The following AGPAT4 variants were observed in gnomAD, a reference collection of about 807,000 sequenced individuals.
The protein encoded by AGPAT4 is 1-acyl-sn-glycerol-3-phosphate acyltransferase delta.
In AGPAT4, 15 loss-of-function variants were observed where a neutral mutation model predicts 48.0. That is an observed-to-expected ratio of 0.31 (90% CI 0.21 to 0.48). AGPAT4 has a LOEUF of 0.48. Among genes scored for constraint, AGPAT4 ranks in the 20% least tolerant of loss-of-function variants. The probability of loss-of-function intolerance (pLI) is 0.99; values close to 1 mark genes in which losing one functional copy is unlikely to be tolerated. For missense variants in AGPAT4, 314 were observed against 482.5 expected, an observed-to-expected ratio of 0.65 and a Z score of 3.27; for synonymous variants, 178 against 198.7, an observed-to-expected ratio of 0.90 and a Z score of 0.88.
rs535242370 is a variant in AGPAT4, at chr6:161,157,052, CCT to C, written c.349-2744_349-2743del. Among the ~76,000 whole-genome samples the C allele has an allele frequency of 1.0e-3, 158 of 152,306 alleles. 1 individual carries two copies. Among genetic ancestry groups the C allele is most frequent in the Middle Eastern group, 6.8e-3 (2 of 294 alleles). On this transcript the variant is annotated intron_variant, in intron 3 of 8. Coordinates refer to ENST00000320285, the MANE Select transcript of AGPAT4 (RefSeq NM_020133.3). ...TCTCAGCTCTGAAGGCTGTGAGACC[CCT>C]GATTTCCCACTTCACATCTCTATAT...
Position 161,217,675 on chromosome 6 carries a change from G to A in AGPAT4, c.178+14361C>T, listed in dbSNP as rs1781686809. Among the ~76,000 whole-genome samples the A allele has an allele frequency of 6.6e-6, 1 of 152,150 alleles. No homozygotes were observed. The highest frequency in any genetic ancestry group is 1.5e-5 in the Non-Finnish European group (1 of 68,028). ...ATTGTACATGAACAATCTCATTTAT[G>A]AACATCATAATTACCCTGGTGAAAG... On this transcript the variant is annotated intron_variant, in intron 2 of 8. Coordinates refer to ENST00000320285, the MANE Select transcript of AGPAT4 (RefSeq NM_020133.3). The surrounding 1 kb of genome is among the most constrained non-coding windows in gnomAD (Gnocchi z 4.9).
At chr6:161,209,682 T>C (rs746951598) in intron 2 of AGPAT4, among the ~76,000 whole-genome samples, 1 of 152,166 alleles carries the variant, frequency 6.6e-6, no homozygotes, top group African/African-American at 2.4e-5. Flanking sequence ...CCCATGGAGA[T>C]ATAAGCCCCA....
In AGPAT4 at chr6:161,200,349, A is replaced by G. The variant is rs1235948076; in HGVS notation, c.178+31687T>C. ...GGCCTGTGTGCCAGGTACTATAGGAAGGGATGCACAGTAAATGATGGAGTG... is the reference window on the plus strand; with the variant it reads ...GGCCTGTGTGCCAGGTACTATAGGAGGGGATGCACAGTAAATGATGGAGTG... On this transcript the variant is annotated intron_variant, in intron 2 of 8. Coordinates refer to ENST00000320285, the MANE Select transcript of AGPAT4 (RefSeq NM_020133.3). The surrounding 1 kb of genome is among the most constrained non-coding windows in gnomAD (Gnocchi z 5.5). 6.6e-6 allele frequency among the ~76,000 whole-genome samples: 1 copy of G among 152,234 alleles called. No homozygotes were observed. The highest frequency in any genetic ancestry group is 1.5e-5 in the Non-Finnish European group (1 of 68,038).
In AGPAT4 at chr6:161,261,592, T is replaced by A. The variant is rs1464679631; in HGVS notation, c.-90+12346A>T. Among the ~76,000 whole-genome samples the A allele has an allele frequency of 6.6e-6, 1 of 152,210 alleles. No homozygotes were observed. The highest frequency in any genetic ancestry group is 1.5e-5 in the Non-Finnish European group (1 of 68,038). On this transcript the variant is annotated intron_variant, in intron 1 of 8. Coordinates refer to ENST00000320285, the MANE Select transcript of AGPAT4 (RefSeq NM_020133.3). The surrounding 1 kb of genome is among the most constrained non-coding windows in gnomAD (Gnocchi z 5.3). The stretch of plus-strand genomic sequence containing the variant: ...TACCCTGAGACCGGGTAAGGCATCA[T>A]CATTAACAAAGCCAACGGAGGGATA...
Position 161,259,029 on chromosome 6 carries a change from C to T in AGPAT4, c.-90+14909G>A, listed in dbSNP as rs1046363719. On this transcript the variant is annotated intron_variant, in intron 1 of 8. Transcript: ENST00000320285. This position sits in a 1 kb window ranked among gnomAD's most constrained non-coding sequence, Gnocchi z 4.9. ...GCAAGGCTGGTATCAAACTCCTGAC[C>T]TCAAGTGATCCTCCCGCCTCAGCCT... Among the ~76,000 whole-genome samples, 1 of 151,794 alleles carries T rather than the reference C, an allele frequency of 6.6e-6. No individual in the cohort carries two copies. Among genetic ancestry groups the T allele is most frequent in the Non-Finnish European group, 1.5e-5 (1 of 67,978 alleles).
rs978188074 is a variant in AGPAT4, at chr6:161,195,219, C to G, written c.179-28802G>C. 2.0e-5 allele frequency among the ~76,000 whole-genome samples: 3 copies of G among 152,048 alleles called. No homozygotes were observed. The highest frequency in any genetic ancestry group is 2.9e-5 in the Non-Finnish European group (2 of 68,012). On this transcript the variant is annotated intron_variant, in intron 2 of 8. Coordinates refer to ENST00000320285, the MANE Select transcript of AGPAT4 (RefSeq NM_020133.3). The surrounding 1 kb of genome is among the most constrained non-coding windows in gnomAD (Gnocchi z 5.0). ...ATTTGAAGCAAATTTCTCATTTAAC[C>G]GAAAACCAAGATGAAGGATAATTCA...
rs895438193 is a variant in AGPAT4, at chr6:161,254,054, T to C, written c.-90+19884A>G. 2.0e-5 allele frequency among the ~76,000 whole-genome samples: 3 copies of C among 152,228 alleles called. No homozygotes were observed. Among genetic ancestry groups the C allele is most frequent in the African/African-American group, 7.2e-5 (3 of 41,472 alleles). The stretch of plus-strand genomic sequence containing the variant: ...GACAATTCACACTTCAGGTGGATGT[T>C]TGGGGTTAGTGAGATAATAGGAAAT... On this transcript the variant is annotated intron_variant, in intron 1 of 8. Transcript: ENST00000320285. The surrounding 1 kb of genome is among the most constrained non-coding windows in gnomAD (Gnocchi z 5.9).
intron 2 of AGPAT4, among the ~76,000 whole-genome samples, chr6:161,182,570 C>G (rs1295113523): frequency 1.3e-5 from 2 of 152,228 alleles, no homozygotes; most frequent in African/African-American, 4.8e-5. Flanking sequence ...GTGCCCATTT[C>G]CATGCTGCAT....
chr6:161,167,402 A>G (rs1354060992), intron 2 of AGPAT4, among the ~76,000 whole-genome samples: 2 of 151,902 alleles, frequency 1.3e-5, no homozygotes, highest in African/African-American at 4.8e-5. Flanking sequence ...ATTTTTTTGT[A>G]TTTTTTGTAA....
In AGPAT4 at chr6:161,144,924, T is replaced by A. The variant is rs1779370905; in HGVS notation, c.843+1600A>T. Among the ~76,000 whole-genome samples, 1 of 151,652 alleles carries A rather than the reference T, an allele frequency of 6.6e-6. No individual in the cohort carries two copies. Among genetic ancestry groups the A allele is most frequent in the African/African-American group, 2.4e-5 (1 of 41,088 alleles). On this transcript the variant is annotated intron_variant, in intron 7 of 8. Coordinates refer to ENST00000320285, the MANE Select transcript of AGPAT4 (RefSeq NM_020133.3). The surrounding 1 kb of genome is among the most constrained non-coding windows in gnomAD (Gnocchi z 6.6). ...TGAACCCAGGAGGCAGAGCTTGCAG[T>A]GAGCCGAGATCGCGCCACTGCACTC... is the stretch of plus-strand genomic sequence containing the variant.
intron 2 of AGPAT4, among the ~76,000 whole-genome samples, chr6:161,179,751 A>T (rs1562326390): frequency 6.6e-6 from 1 of 152,186 alleles, no homozygotes; most frequent in Non-Finnish European, 1.5e-5. Context: ...TATGAATAGT[A>T]CATACATTTT....
rs1487520238 is a variant in AGPAT4 at position 161,262,468 on chromosome 6, C to T, written c.-90+11470G>A. On this transcript the variant is annotated intron_variant, in intron 1 of 8. Transcript: ENST00000320285. This position sits in a 1 kb window ranked among gnomAD's most constrained non-coding sequence, Gnocchi z 4.9. Reference sequence around the variant, plus strand: ...TTCCACAGCTGGCTCTATACTAGCTCATTCCTTTTTTTTTTCCCCCTCCTC... The same window carrying T: ...TTCCACAGCTGGCTCTATACTAGCTTATTCCTTTTTTTTTTCCCCCTCCTC... 6.6e-6 allele frequency among the ~76,000 whole-genome samples: 1 copy of T among 152,156 alleles called. No individual in the cohort carries two copies. Among genetic ancestry groups the T allele is most frequent in the Non-Finnish European group, 1.5e-5 (1 of 68,016 alleles).
intron 2 of AGPAT4, among the ~76,000 whole-genome samples, chr6:161,179,362 G>A (rs2114991172): frequency 6.6e-6 from 1 of 152,234 alleles, no homozygotes; most frequent in Middle Eastern, 3.4e-3. Flanking sequence ...CAGTGCGGGG[G>A]GCTAGAGAAG....
chr6:161,182,614 G>A (rs905633803), intron 2 of AGPAT4, among the ~76,000 whole-genome samples: 1 of 152,244 alleles, frequency 6.6e-6, no homozygotes, highest in Admixed American at 6.5e-5. Context: ...AACCAGCTCA[G>A]CCTGGAGTGC....
chr6:161,170,471 GCGCACACACACACACACACACA>G (rs1184040229), intron 2 of AGPAT4, among the ~76,000 whole-genome samples: 1 of 113,728 alleles, frequency 8.8e-6, no homozygotes, highest in Non-Finnish European at 1.9e-5. Flanking sequence ...ACGTGCGCGC[GCGCACACACACACACACACACA>G]CACACACACA....
chr6:161,232,782 C>T lies in AGPAT4; in HGVS notation c.-89-480G>A, dbSNP rs964771146. On this transcript the variant is annotated intron_variant, in intron 1 of 8. Coordinates refer to ENST00000320285, the MANE Select transcript of AGPAT4 (RefSeq NM_020133.3). This position sits in a 1 kb window ranked among gnomAD's most constrained non-coding sequence, Gnocchi z 6.8. ...TTCTCCTCCTCCAGATCCCTGCTCA[C>T]CCCTCGCTTCCAGCAGGACTGCCCT... is the stretch of plus-strand genomic sequence containing the variant. 2.0e-5 allele frequency among the ~76,000 whole-genome samples: 3 copies of T among 152,136 alleles called. No homozygotes were observed. The highest frequency in any genetic ancestry group is 4.4e-5 in the Non-Finnish European group (3 of 68,028).
In AGPAT4 at chr6:161,134,171, T is replaced by C. The variant is rs1399290153; in HGVS notation, c.*2369A>G. 3.9e-5 allele frequency: 6 copies of C among 152,142 alleles called. No homozygotes were observed. Among genetic ancestry groups the C allele is most frequent in the Admixed American group, 3.9e-4 (6 of 15,280 alleles). The allele number at this position is 152,142 out of a possible 1,614,324, so 9.4% of individuals were successfully genotyped here. ...CCAGCACGCCACATTCTCTTTCGGC[T>C]CTAAGGCAATTCAAAACTTGGCGCT... On this transcript the variant is annotated 3_prime_UTR_variant, in exon 9 of 9. Coordinates refer to ENST00000320285, the MANE Select transcript of AGPAT4 (RefSeq NM_020133.3).
rs1427532778 is a variant in AGPAT4 at position 161,225,116 on chromosome 6, T to A, written c.178+6920A>T. Among the ~76,000 whole-genome samples, 1 of 150,610 alleles carries A rather than the reference T, an allele frequency of 6.6e-6. No individual in the cohort carries two copies. Among genetic ancestry groups the A allele is most frequent in the African/African-American group, 2.5e-5 (1 of 40,068 alleles). On this transcript the variant is annotated intron_variant, in intron 2 of 8. Coordinates refer to ENST00000320285, the MANE Select transcript of AGPAT4 (RefSeq NM_020133.3). The surrounding 1 kb of genome is among the most constrained non-coding windows in gnomAD (Gnocchi z 5.0). ...TTATTACCTGCTCTACCCAGACTCA[T>A]TCGGATTACCTGCTCCACCCTGACT...
In AGPAT4 at chr6:161,165,266, T is replaced by C. The variant is rs1780061273; in HGVS notation, c.348+982A>G. ...ATCAAGTTAGCACTGGGAGAATAAA[T>C]AGGAAAACAAAAGGAGAAAACAGTG... On this transcript the variant is annotated intron_variant, in intron 3 of 8. Coordinates refer to ENST00000320285, the MANE Select transcript of AGPAT4 (RefSeq NM_020133.3). The surrounding 1 kb of genome is among the most constrained non-coding windows in gnomAD (Gnocchi z 5.5). Among the ~76,000 whole-genome samples the C allele has an allele frequency of 6.6e-6, 1 of 152,116 alleles. No homozygotes were observed. The highest frequency in any genetic ancestry group is 1.5e-5 in the Non-Finnish European group (1 of 68,022).
Sources: allele counts gnomAD v4.1 joint callset (sites outside exome capture counted in the v4.1 genomes callset), GRCh38; gene constraint gnomAD v4.1.1; non-coding constraint Gnocchi (gnomAD v3.1); transcripts MANE v1.5; gene names NCBI Gene and HGNC (gene_info 2026-07-23, HGNC 2026-07-21).